PRELID2: variants seen among roughly 807,000 people sequenced by gnomAD.
The protein encoded by PRELID2 is PRELI domain-containing protein 2.
PRELID2 carries 25 observed loss-of-function variants against 28.4 expected under a neutral mutation model. The ratio of observed to expected loss-of-function variants is 0.88; its 90% CI spans 0.64 to 1.23. PRELID2 has a LOEUF of 1.23. Among genes scored for constraint, PRELID2 ranks in the 50% most tolerant of loss-of-function variants. The pLI, the probability that PRELID2 is intolerant of heterozygous loss-of-function variation, is 0.00. For missense variants in PRELID2, 201 were observed against 214.4 expected (o/e 0.94, Z 0.39); for synonymous variants, 76 against 71.6 (o/e 1.06, Z -0.31).
At chr5:145,650,039 A>C (rs1754262662) in intron 1 of PRELID2, among the ~76,000 whole-genome samples, 1 of 152,204 alleles carries the variant, frequency 6.6e-6, no homozygotes, top group Non-Finnish European at 1.5e-5. Flanking sequence ...GCAATGTTTC[A>C]AATTATATTG....
intron 1 of PRELID2, among the ~76,000 whole-genome samples, chr5:145,504,818 T>C (rs1269859574): frequency 6.6e-6 from 1 of 152,206 alleles, no homozygotes; most frequent in Admixed American, 6.6e-5. Context: ...TCTAATTATA[T>C]TGTTACCTAG....
At chr5:145,776,433 G>A (rs1202071473) in intron 5 of PRELID2, among the ~76,000 whole-genome samples, 2 of 150,324 alleles carry the variant, frequency 1.3e-5, no homozygotes, top group Non-Finnish European at 3.0e-5. Context: ...TGTGTTTCCT[G>A]TAAGTGAAAA....
the PRELID2 span, among the ~76,000 whole-genome samples, chr5:145,266,628 T>A: frequency 2.6e-5 from 4 of 152,182 alleles, no homozygotes; most frequent in African/African-American, 9.6e-5. Flanking sequence ...GAAAACAGTA[T>A]AAAGATTCCT....
intron 1 of PRELID2, among the ~76,000 whole-genome samples, chr5:145,750,644 A>T (rs540176490): frequency 6.6e-6 from 1 of 152,338 alleles, no homozygotes; most frequent in East Asian, 1.9e-4. Context: ...ATACTACCAT[A>T]TTTGCCATTC....
chr5:145,654,093 A>G (rs1421621839), intron 1 of PRELID2, among the ~76,000 whole-genome samples: 1 of 152,194 alleles, frequency 6.6e-6, no homozygotes, highest in Non-Finnish European at 1.5e-5. Flanking sequence ...CAGAAATACA[A>G]ACTACCATCA....
At chr5:145,760,763 T>C (rs1391901198) in intron 6 of PRELID2, among the ~76,000 whole-genome samples, 2 of 152,216 alleles carry the variant, frequency 1.3e-5, no homozygotes, top group African/African-American at 4.8e-5. Context: ...ATAGCTAAAA[T>C]TGAGGTCTTA....
At chr5:145,528,119 C>T (rs1752624520) in intron 1 of PRELID2, among the ~76,000 whole-genome samples, 1 of 152,146 alleles carries the variant, frequency 6.6e-6, no homozygotes, top group South Asian at 2.1e-4. Flanking sequence ...TCAGGAAAGA[C>T]TTCTTAGACC....
In PRELID2 at chr5:145,638,398, C is replaced by T. The variant is rs1457265143; in HGVS notation, n.70+126533G>A. 2.0e-5 allele frequency among the ~76,000 whole-genome samples: 3 copies of T among 149,780 alleles called. No individual in the cohort carries two copies. The East Asian group carries it at 5.8e-4, about 29-fold the overall frequency. ...ATGGCCTCCTCACCCCCTTCCCCCACACACACAGTCACCCTCAACTCCATT... is the reference window on the plus strand; with the variant it reads ...ATGGCCTCCTCACCCCCTTCCCCCATACACACAGTCACCCTCAACTCCATT... On this transcript the variant is annotated intron_variant and non_coding_transcript_variant, in intron 1 of 2. Coordinates refer to the PRELID2 transcript ENST00000510259.
chr5:145,375,168 G>A, the PRELID2 span, among the ~76,000 whole-genome samples: 5 of 151,728 alleles, frequency 3.3e-5, no homozygotes. Context: ...AGTTTTTGTG[G>A]GGGCTTTTTT....
intron 1 of PRELID2, among the ~76,000 whole-genome samples, chr5:145,550,694 A>G (rs886375258): frequency 6.6e-5 from 10 of 152,238 alleles, no homozygotes; most frequent in Non-Finnish European, 1.5e-5. Flanking sequence ...ATAAGAAACT[A>G]GGAAACCAAG....
chr5:145,603,962 A>C (rs1003244390), intron 1 of PRELID2, among the ~76,000 whole-genome samples: 1 of 152,130 alleles, frequency 6.6e-6, no homozygotes, highest in African/African-American at 2.4e-5. Context: ...ATTAGAGAAA[A>C]GATGATATAC....
At chr5:145,343,555 T>C in the PRELID2 span, among the ~76,000 whole-genome samples, 1 of 151,180 alleles carries the variant, frequency 6.6e-6, no homozygotes, top group African/African-American at 2.4e-5. Flanking sequence ...AATGCCTACA[T>C]CAAAAAATTA....
chr5:145,290,772 C>A, the PRELID2 span, among the ~76,000 whole-genome samples: 1 of 150,650 alleles, frequency 6.6e-6, no homozygotes, highest in African/African-American at 2.4e-5. Flanking sequence ...ATGAAAAGGT[C>A]TCGGTATATT....
At chr5:145,548,745 T>C (rs190681478) in intron 1 of PRELID2, among the ~76,000 whole-genome samples, 11 of 152,316 alleles carry the variant, frequency 7.2e-5, no homozygotes, top group African/African-American at 2.4e-4. Flanking sequence ...CTTGCCATCT[T>C]GCCCTAATCC....
intron 5 of PRELID2, among the ~76,000 whole-genome samples, chr5:145,776,908 AAC>A (rs1306273267): frequency 1.3e-5 from 2 of 152,192 alleles, no homozygotes; most frequent in Non-Finnish European, 2.9e-5. Context: ...TTTAATGTTA[AAC>A]AGTTTAATAA....
chr5:145,498,162 C>A (rs1350556467), intron 1 of PRELID2, among the ~76,000 whole-genome samples: 1 of 150,920 alleles, frequency 6.6e-6, no homozygotes, highest in Non-Finnish European at 1.5e-5. Flanking sequence ...CCTTGTTAAA[C>A]TATAAAATAA....
chr5:145,564,120 A>T (rs62392707), intron 1 of PRELID2, among the ~76,000 whole-genome samples: 44,961 of 152,080 alleles, frequency 0.3, 8,826 homozygotes, highest in African/African-American at 0.55. Context: ...CAATTAGACA[A>T]CCAAAGTTAA....
At chr5:145,805,470 T>A (rs1753432431) in intron 4 of PRELID2, among the ~76,000 whole-genome samples, 1 of 152,150 alleles carries the variant, frequency 6.6e-6, no homozygotes, top group African/African-American at 2.4e-5. Flanking sequence ...CTCAACAGAT[T>A]CATCAGGAGA....
chr5:145,772,195 C>CT lies in PRELID2; in HGVS notation c.475-7196dup, dbSNP rs1048644570. ...CACTTATTTTACCCTCCCATCTCCCCTTTTTTTTTTTGGATGAGACCAAGG... is the reference window on the plus strand; with the variant it reads ...CACTTATTTTACCCTCCCATCTCCCCTTTTTTTTTTTTGGATGAGACCAAGG... On this transcript the variant is annotated intron_variant, in intron 5 of 6. Coordinates refer to ENST00000683046, the MANE Select transcript of PRELID2 (RefSeq NM_205846.3). Among the ~76,000 whole-genome samples the CT allele has an allele frequency of 1.4e-3, 197 of 145,638 alleles. No individual in the cohort carries two copies. The East Asian group carries it at 0.017, about 12-fold the overall frequency.
Sources: gnomAD v4.1 joint callset for allele counts (sites outside exome capture counted in the v4.1 genomes callset) on GRCh38, gnomAD v4.1.1 for gene constraint, MANE v1.5 for transcripts, NCBI Gene and HGNC (gene_info 2026-07-23, HGNC 2026-07-21) for gene names.